Variants in TEX22 observed in about 807,000 individuals in gnomAD.
The protein encoded by TEX22 is testis expressed 22.
A neutral mutation model predicts 11.3 loss-of-function variants in TEX22; 16 were observed. That is an observed-to-expected ratio of 1.42 (90% CI 0.96 to 2.15). TEX22 has a LOEUF of 2.15. Ranked by LOEUF, TEX22 falls within the 30% of genes most tolerant of loss-of-function variation. TEX22 has a pLI of 0.00. For synonymous variants in TEX22, 97 were observed against 92.3 expected (o/e 1.05, Z -0.29); for missense variants, 220 against 208.6 (o/e 1.05, Z -0.34).
At chr14:105,404,112 T>C (rs2081646688) in intron 2 of TEX22, among the ~76,000 whole-genome samples, 1 of 152,210 alleles carries the variant, frequency 6.6e-6, no homozygotes, top group South Asian at 2.1e-4. Context: ...CTCAGGAGCT[T>C]ATAGTTGAGA....
In TEX22 at chr14:105,411,502, C is replaced by CG. The variant is rs2081690953; in HGVS notation, c.279+12dup. On this transcript the variant is annotated splice_region_variant and intron_variant, in intron 3 of 3. Transcript: ENST00000451127. ...GGACCCAGCTGCACTGCAGGGTGCG[C>CG]GGGGGGCGGGTCCTCCCCGCCCCGT... 3 of 1,237,724 alleles carry CG rather than the reference C, an allele frequency of 2.4e-6. No individual in the cohort carries two copies. The highest frequency in any genetic ancestry group is 1.6e-5 in the African/African-American group (1 of 63,456). The allele number at this position is 1,237,724 out of a possible 1,614,324, so 76.7% of individuals were successfully genotyped here.
Position 105,399,504 on chromosome 14 carries a change from A to C in TEX22, c.150+14A>C. The C allele has an allele frequency of 1.3e-6, 2 of 1,521,400 alleles. No homozygotes were observed. The highest frequency in any genetic ancestry group is 1.8e-6 in the Non-Finnish European group (2 of 1,137,726). 94.2% of individuals were successfully genotyped at this position (1,521,400 alleles called of 1,614,324 possible). On this transcript the variant is annotated intron_variant, in intron 2 of 3. Coordinates refer to ENST00000451127, the MANE Select transcript of TEX22 (RefSeq NM_001195082.2). ...ACTCAGGACTGGGTAAGCGGAAGGA[A>C]ACCCTGGCCGAGGCTACTCTCCTGT... is the stretch of plus-strand genomic sequence containing the variant.
At chr14:105,400,293 T>C (rs1490748986) in intron 2 of TEX22, among the ~76,000 whole-genome samples, 1 of 152,254 alleles carries the variant, frequency 6.6e-6, no homozygotes, top group Non-Finnish European at 1.5e-5. Context: ...GAGGCCCCTT[T>C]GTACCCTCTC....
At position 105,399,489 on chromosome 14, in the gene TEX22, G is replaced by C; in HGVS notation, c.149G>C (p.Trp50Ser). The change falls in exon 2 of 4, where the codon TGG (tryptophan) becomes TCG (serine). Residue 50 changes from tryptophan to serine, a missense_variant and splice_region_variant. By Grantham distance (177) the Trp-to-Ser change is radical (BLOSUM62 -3). Transcript: ENST00000451127. ...CAGCAGGGACTGCAGACTCAGGACT[G>C]GGTAAGCGGAAGGAAACCCTGGCCG... Reference protein sequence around the residue: ...SVQQGLQTQDWVCEPPERRRP... With the variant: ...SVQQGLQTQDSVCEPPERRRP... The C allele has an allele frequency of 6.5e-7, 1 of 1,527,540 alleles. No individual in the cohort carries two copies. Among genetic ancestry groups the C allele is most frequent in the East Asian group, 2.5e-5 (1 of 40,736 alleles). The allele number at this position is 1,527,540 out of a possible 1,614,324, so 94.6% of individuals were successfully genotyped here.
intron 2 of TEX22, among the ~76,000 whole-genome samples, chr14:105,409,036 G>A (rs2081674252): frequency 6.7e-6 from 1 of 149,144 alleles, no homozygotes; most frequent in Admixed American, 6.8e-5. Context: ...ACAAATCTAG[G>A]ACTCTCCTCT....
intron 2 of TEX22, among the ~76,000 whole-genome samples, chr14:105,402,499 A>C (rs752615480): frequency 1.4e-4 from 21 of 152,140 alleles, no homozygotes; most frequent in East Asian, 3.8e-4. Flanking sequence ...TCACGCCTGT[A>C]ATCCCAGCAC....
At chr14:105,400,741 C>T (rs1417729196) in intron 2 of TEX22, among the ~76,000 whole-genome samples, 1 of 152,036 alleles carries the variant, frequency 6.6e-6, no homozygotes, top group African/African-American at 2.4e-5. Flanking sequence ...GGCAGGCGAG[C>T]AGTGGGAGAA....
chr14:105,410,170 C>T (rs1351107203), intron 2 of TEX22, among the ~76,000 whole-genome samples: 4 of 150,734 alleles, frequency 2.7e-5, no homozygotes, highest in Non-Finnish European at 5.9e-5. Context: ...CTCCACCTCC[C>T]GGATTCAAGC....
At position 105,403,731 on chromosome 14, in the gene TEX22, G is replaced by A. The variant is rs587760262; in HGVS notation, c.150+4241G>A. 1.4e-4 allele frequency among the ~76,000 whole-genome samples: 22 copies of A among 152,292 alleles called. No individual in the cohort carries two copies. The South Asian group carries it at 2.9e-3, about 20-fold the overall frequency. ...GCCATTGCGCCCAGCCAGATTTAAC[G>A]TTTTAAACATGCCAAGCTTCCCAAA... On this transcript the variant is annotated intron_variant, in intron 2 of 3. Coordinates refer to ENST00000451127, the MANE Select transcript of TEX22 (RefSeq NM_001195082.2).
intron 2 of TEX22, among the ~76,000 whole-genome samples, chr14:105,405,231 A>C (rs2081652301): frequency 6.6e-6 from 1 of 152,082 alleles, no homozygotes; most frequent in African/African-American, 2.4e-5. Flanking sequence ...CGGAAACTGC[A>C]GTGAGCTGAG....
chr14:105,401,961 G>A (rs1033333639), intron 2 of TEX22, among the ~76,000 whole-genome samples: 4 of 152,118 alleles, frequency 2.6e-5, no homozygotes, highest in South Asian at 2.1e-4. Context: ...CGAGGCAGGC[G>A]GATCACCTGA....
intron 2 of TEX22, among the ~76,000 whole-genome samples, chr14:105,403,343 T>C (rs2141357377): frequency 6.6e-6 from 1 of 152,318 alleles, no homozygotes; most frequent in African/African-American, 2.4e-5. Context: ...AGTTTGTCCT[T>C]GTAGGCATTA....
Position 105,411,833 on chromosome 14 carries a change from A to C in TEX22, c.453A>C (p.Ter151TyrextTer87). ...AGGCCTCGAGGTCACCCCCTTCCTA[A>C]GAGCCCCATTCAGCCCATTGTCTGT... Reference protein sequence around the residue: ...TFEASRSPPS* With the variant: ...TFEASRSPPSY Residue 151 changes from the stop codon to tyrosine (Y), a stop_lost, in exon 4 of 4, where the codon TAA becomes TAC. Coordinates refer to ENST00000451127, the MANE Select transcript of TEX22 (RefSeq NM_001195082.2). 7.1e-7 allele frequency: 1 copy of C among 1,414,990 alleles called. No individual in the cohort carries two copies. The allele number at this position is 1,414,990 out of a possible 1,614,324, so 87.7% of individuals were successfully genotyped here.
chr14:105,408,715 T>C (rs1220697169), intron 2 of TEX22, among the ~76,000 whole-genome samples: 1 of 152,186 alleles, frequency 6.6e-6, no homozygotes, highest in Admixed American at 6.5e-5. Flanking sequence ...TGAGCCACCG[T>C]GCCCGGCCGC....
At chr14:105,405,909 A>C (rs1464910057) in intron 2 of TEX22, among the ~76,000 whole-genome samples, 2 of 152,230 alleles carry the variant, frequency 1.3e-5, no homozygotes, top group African/African-American at 4.8e-5. Flanking sequence ...TCCAACAACT[A>C]AAACTGTGTG....
At chr14:105,399,240 A>C in intron 1 of TEX22, 62 bp from the exon 2 acceptor site, 4 of 968,318 alleles carry the variant, frequency 4.1e-6, no homozygotes, top group Non-Finnish European at 6.1e-6. Context: ...GGACTCAGGT[A>C]TTGGTGGGCA....
At chr14:105,402,705 G>A (rs907305936) in intron 2 of TEX22, among the ~76,000 whole-genome samples, 10 of 148,972 alleles carry the variant, frequency 6.7e-5, no homozygotes, top group East Asian at 2.0e-4. Flanking sequence ...GCAGTGAGAC[G>A]AGATTGCGCT....
chr14:105,402,570 C>A lies in TEX22; in HGVS notation c.150+3080C>A, dbSNP rs367756383. 1.5e-3 allele frequency among the ~76,000 whole-genome samples: 232 copies of A among 151,524 alleles called. 2 individuals are homozygous for A. The highest frequency in any genetic ancestry group is 5.8e-3 in the Admixed American group (88 of 15,238). ...GAGATCAAGACCATCCTGGCTAACA[C>A]GGTGAAACCCCGTCTCTACTAAAAA... On this transcript the variant is annotated intron_variant, in intron 2 of 3. Coordinates refer to ENST00000451127, the MANE Select transcript of TEX22 (RefSeq NM_001195082.2).
chr14:105,403,035 C>T (rs1441212102), intron 2 of TEX22, among the ~76,000 whole-genome samples: 2 of 152,046 alleles, frequency 1.3e-5, no homozygotes, highest in Admixed American at 1.3e-4. Flanking sequence ...CTGCAGAGTG[C>T]AGTGAGAAGA....
Sources: gnomAD v4.1 joint callset for allele counts (sites outside exome capture counted in the v4.1 genomes callset) on GRCh38, gnomAD v4.1.1 for gene constraint, MANE v1.5 for transcripts, NCBI Gene and HGNC (gene_info 2026-07-23, HGNC 2026-07-21) for gene names.